Variants in PADI4 observed in about 807,000 individuals in gnomAD.
The protein encoded by PADI4 is protein-arginine deiminase type-4.
PADI4 carries 62 observed loss-of-function variants against 75.0 expected under a neutral mutation model. The observed-to-expected ratio is 0.83, with a 90% CI of 0.67 to 1.02. The LOEUF (loss-of-function observed/expected upper bound fraction) is 1.02. Ranked by LOEUF, PADI4 falls within the 50% of genes least tolerant of loss-of-function variation. The pLI, the probability that PADI4 is intolerant of heterozygous loss-of-function variation, is 0.00. For missense variants in PADI4, 845 were observed against 850.5 expected, an observed-to-expected ratio of 0.99 and a Z score of 0.08; for synonymous variants, 361 against 348.1, an observed-to-expected ratio of 1.04 and a Z score of -0.41.
At chr1:17,358,027 C>T (rs2074790292) in intron 13 of PADI4, among the ~76,000 whole-genome samples, 1 of 151,726 alleles carries the variant, frequency 6.6e-6, no homozygotes, top group South Asian at 2.1e-4. Context: ...GCGGGTGGAT[C>T]ACCTGAGGTC....
Position 17,342,306 on chromosome 1 carries a change from C to T in PADI4, c.839C>T (p.Pro280Leu). ...TTACCCCCTCCCCTGCAGGAGCTCC[C>T]CGAGGCTGTGGTGTTCCAAGACAGC... is the stretch of plus-strand genomic sequence containing the variant. ...SLLDTSNLEL[P>L]EAVVFQDSVV... The change falls in exon 8 of 16, where the codon CCC (proline) becomes CTC (leucine). Residue 280 changes from proline to leucine, a missense_variant. Physicochemically the swap from Pro to Leu is moderately conservative, Grantham distance 98. Transcript: ENST00000375448. 1.2e-6 allele frequency: 2 copies of T among 1,611,946 alleles called. No individual in the cohort carries two copies. Among genetic ancestry groups the T allele is most frequent in the African/African-American group, 1.3e-5 (1 of 74,952 alleles).
chr1:17,342,167 C>T, intron 7 of PADI4, 46 bp downstream of exon 7: 1 of 1,583,896 alleles, frequency 6.3e-7, no homozygotes, highest in Non-Finnish European at 8.7e-7. Context: ...GGCTTCCAGG[C>T]AGTGGCCTGG....
intron 1 of PADI4, among the ~76,000 whole-genome samples, chr1:17,323,938 C>G (rs1308236162): frequency 6.6e-6 from 1 of 152,090 alleles, no homozygotes; most frequent in Non-Finnish European, 1.5e-5. Context: ...TTCTGCCTCT[C>G]TAGGGATTGT....
chr1:17,322,394 C>T (rs2074044500), intron 1 of PADI4, among the ~76,000 whole-genome samples: 1 of 152,076 alleles, frequency 6.6e-6, no homozygotes, highest in Non-Finnish European at 1.5e-5. Flanking sequence ...GAGGCTGAGA[C>T]AGGAGAATTG....
intron 1 of PADI4, among the ~76,000 whole-genome samples, chr1:17,330,594 C>T (rs914256971): frequency 7.9e-5 from 12 of 152,174 alleles, no homozygotes; most frequent in African/African-American, 2.9e-4. Flanking sequence ...AGCCAATGAA[C>T]CTGGAGTCTA....
Position 17,356,475 on chromosome 1 carries a change from C to G in PADI4, c.1558+16C>G. ...GGGATCAAGAGTAAGTCGGCCCTGC[C>G]TTGTTCTCCTGTCTGTGCACCTTCC... On this transcript the variant is annotated intron_variant, in intron 13 of 15. Coordinates refer to ENST00000375448, the MANE Select transcript of PADI4 (RefSeq NM_012387.3). This position sits in a 1 kb window ranked among gnomAD's most constrained non-coding sequence, Gnocchi z 4.1. The G allele has an allele frequency of 2.7e-6, 4 of 1,461,804 alleles. No individual in the cohort carries two copies. The highest frequency in any genetic ancestry group is 3.8e-6 in the Non-Finnish European group (4 of 1,044,708). 90.6% of individuals were successfully genotyped at this position (1,461,804 alleles called of 1,614,324 possible).
intron 1 of PADI4, among the ~76,000 whole-genome samples, chr1:17,309,422 C>T (rs917803029): frequency 2.0e-5 from 3 of 151,880 alleles, no homozygotes; most frequent in African/African-American, 7.3e-5. Context: ...TATGCTTCCC[C>T]CTGCACAGAT....
chr1:17,346,004 G>A lies in PADI4; in HGVS notation c.936-24G>A, dbSNP rs777109404. ...GAGCTTCAAATTCCAGAGCACTAAG[G>A]AGCTGCTTTTCTGCTCTCTCTAGTA... is the stretch of plus-strand genomic sequence containing the variant. On this transcript the variant is annotated intron_variant, in intron 8 of 15. Coordinates refer to ENST00000375448, the MANE Select transcript of PADI4 (RefSeq NM_012387.3). The surrounding 1 kb of genome is among the most constrained non-coding windows in gnomAD (Gnocchi z 4.3). 1 of 1,440,626 alleles carries A rather than the reference G, an allele frequency of 6.9e-7. No individual in the cohort carries two copies. The highest frequency in any genetic ancestry group is 1.7e-5 in the Admixed American group (1 of 59,684). 89.2% of individuals were successfully genotyped at this position (1,440,626 alleles called of 1,614,324 possible). A position where few individuals can be genotyped will look rare whatever the true frequency, so the allele number is the denominator to read the frequency against.
rs968541468 is a variant in PADI4, at chr1:17,344,910, G to A, written c.936-1118G>A. On this transcript the variant is annotated intron_variant, in intron 8 of 15. Coordinates refer to ENST00000375448, the MANE Select transcript of PADI4 (RefSeq NM_012387.3). ...CACAGAGTCCCTACTGGGACACCAC[G>A]TAGTGGAGTTGTGAGAAGAGGGCCA... Among the ~76,000 whole-genome samples the A allele has an allele frequency of 1.1e-4, 16 of 152,348 alleles. 1 individual carries two copies. Among genetic ancestry groups the A allele is most frequent in the African/African-American group, 3.1e-4 (13 of 41,582 alleles).
At position 17,356,185 on chromosome 1, in the gene PADI4, C is replaced by T. The variant is rs562850838; in HGVS notation, c.1455+58C>T. On this transcript the variant is annotated intron_variant, in intron 12 of 15. Transcript: ENST00000375448. The surrounding 1 kb of genome is among the most constrained non-coding windows in gnomAD (Gnocchi z 4.1). ...GCCTCCTTCCTGGGTAGACCCTCTG[C>T]CTGGGGTGGGAGCAACTTTACTTGT... is the stretch of plus-strand genomic sequence containing the variant. 9 of 1,569,244 alleles carry T rather than the reference C, an allele frequency of 5.7e-6. No homozygotes were observed. Among genetic ancestry groups the T allele is most frequent in the South Asian group, 5.7e-5 (5 of 88,194 alleles).
In PADI4 at chr1:17,342,356, A is replaced by T. The variant is rs758604276; in HGVS notation, c.889A>T (p.Ile297Phe). The part of the protein sequence containing the change: ...DSVVFRVAPW[I>F]MTPNTQPPQE... Reference sequence around the variant, plus strand: ...CGTGGTCTTCCGCGTGGCGCCCTGGATCATGACCCCCAACACCCAGCCCCC... The same window carrying T: ...CGTGGTCTTCCGCGTGGCGCCCTGGTTCATGACCCCCAACACCCAGCCCCC... The change falls in exon 8 of 16, where the codon ATC becomes TTC. Residue 297 changes from isoleucine (I) to phenylalanine (F), a missense_variant. By Grantham distance (21) the Ile-to-Phe change is conservative (BLOSUM62 0). Coordinates refer to ENST00000375448, the MANE Select transcript of PADI4 (RefSeq NM_012387.3). 21 of 1,613,932 alleles carry T rather than the reference A, an allele frequency of 1.3e-5. No individual in the cohort carries two copies. The East Asian group carries it at 4.2e-4, about 33-fold the overall frequency.
At chr1:17,312,856 C>CT (rs71014932) in intron 1 of PADI4, among the ~76,000 whole-genome samples, 21,027 of 133,994 alleles carry the variant, frequency 0.16, 1,900 homozygotes, top group African/African-American at 0.25. Context: ...AGATATGTAG[C>CT]TTTTTTTTTT....
chr1:17,363,530 G>A lies in PADI4; in HGVS notation c.1767G>A (p.Met589Ile). ...CCCTCACTTCCCTGCAGGTGAACAT[G>A]CTGGTGCTAGGGAAGCACCTGGGCA... Reference protein sequence around the residue: ...AEAFFPNMVNMLVLGKHLGIP... With the variant: ...AEAFFPNMVNILVLGKHLGIP... The change falls in exon 16 of 16, where the codon ATG (methionine) becomes ATA (isoleucine). Residue 589 changes from methionine to isoleucine, a missense_variant. Coordinates refer to ENST00000375448, the MANE Select transcript of PADI4 (RefSeq NM_012387.3). 1.2e-6 allele frequency: 2 copies of A among 1,610,860 alleles called. No individual in the cohort carries two copies. The highest frequency in any genetic ancestry group is 1.7e-6 in the Non-Finnish European group (2 of 1,177,456).
chr1:17,361,078 G>A (rs1018373227), intron 15 of PADI4, among the ~76,000 whole-genome samples: 1 of 151,392 alleles, frequency 6.6e-6, no homozygotes. Context: ...GGGGGTTACA[G>A]TTCAGGGAGG....
Position 17,357,400 on chromosome 1 carries a change from C to G in PADI4, c.1558+941C>G, listed in dbSNP as rs559453133. Among the ~76,000 whole-genome samples the G allele has an allele frequency of 1.1e-4, 16 of 152,170 alleles. No homozygotes were observed. In the South Asian group the frequency reaches 3.3e-3, roughly 32 times the overall value. On this transcript the variant is annotated intron_variant, in intron 13 of 15. Transcript: ENST00000375448. ...GCCAGGCTGGTCTCGAACTCCTGAC[C>G]TGGTGATCCACCCACCTCGGCCTCC...
intron 14 of PADI4, 150 bp downstream of exon 14, chr1:17,359,058 G>A (rs1380062133): frequency 8.7e-6 from 6 of 688,684 alleles, no homozygotes; most frequent in Non-Finnish European, 1.5e-5. Context: ...GCAAAGACTG[G>A]GAGAGGCTGA....
intron 4 of PADI4, among the ~76,000 whole-genome samples, chr1:17,337,810 G>C (rs1160935682): frequency 6.6e-6 from 1 of 152,152 alleles, no homozygotes; most frequent in African/African-American, 2.4e-5. Flanking sequence ...AGCTACTCAG[G>C]AGGCTGAGGC....
At chr1:17,343,214 A>C (rs1280896848) in intron 8 of PADI4, among the ~76,000 whole-genome samples, 1 of 151,888 alleles carries the variant, frequency 6.6e-6, no homozygotes, top group Non-Finnish European at 1.5e-5. Flanking sequence ...TAAAAATTAA[A>C]AATTAAATTA....
chr1:17,336,360 T>C (rs2074311933), intron 4 of PADI4, 134 bp downstream of exon 4: 4 of 642,952 alleles, frequency 6.2e-6, no homozygotes, highest in Non-Finnish European at 8.5e-6. Flanking sequence ...AAAATTAGCA[T>C]CACCATTAAT....
Sources: gnomAD v4.1 joint callset for allele counts (sites outside exome capture counted in the v4.1 genomes callset) on GRCh38, gnomAD v4.1.1 for gene constraint, Gnocchi (gnomAD v3.1) non-coding constraint, MANE v1.5 for transcripts, NCBI Gene and HGNC (gene_info 2026-07-23, HGNC 2026-07-21) for gene names.